The following ANKS1B variants were observed in gnomAD, a reference collection of about 807,000 sequenced individuals.
ANKS1B encodes ankyrin repeat and sterile alpha motif domain containing 1B, also known as ankyrin repeat and sterile alpha motif domain-containing protein 1B.
In ANKS1B, 36 loss-of-function variants were observed where a neutral mutation model predicts 148.3. That is an observed-to-expected ratio of 0.24 (90% confidence interval 0.19 to 0.32). ANKS1B has a LOEUF of 0.32. Ranked by LOEUF, ANKS1B falls within the 10% of genes least tolerant of loss-of-function variation. ANKS1B has a pLI of 1.00. For synonymous variants in ANKS1B, 542 were observed against 560.8 expected (o/e 0.97, Z 0.47); for missense variants, 1,157 against 1,542.6 (o/e 0.75, Z 4.19).
intron 14 of ANKS1B, among the ~76,000 whole-genome samples, chr12:99,243,780 A>C (rs945945892): frequency 1.3e-5 from 2 of 152,202 alleles, no homozygotes; most frequent in Admixed American, 1.3e-4. Context: ...ACAAGGACAG[A>C]AAACCAAACA....
chr12:99,924,013 A>G (rs1217656018), intron 1 of ANKS1B, among the ~76,000 whole-genome samples: 1 of 152,164 alleles, frequency 6.6e-6, no homozygotes, highest in Non-Finnish European at 1.5e-5. Context: ...AATATTGTAT[A>G]TTATTTAATA....
chr12:98,991,096 G>A (rs17028955), intron 17 of ANKS1B, among the ~76,000 whole-genome samples: 6,690 of 152,300 alleles, frequency 0.044, 294 homozygotes, highest in African/African-American at 0.099. Flanking sequence ...TGCCAAGGAT[G>A]CTAGCTTGGA....
chr12:98,965,587 T>C (rs571514436), intron 17 of ANKS1B, among the ~76,000 whole-genome samples: 4 of 152,006 alleles, frequency 2.6e-5, no homozygotes, highest in African/African-American at 9.6e-5. Flanking sequence ...TTTATCTTAA[T>C]AAGACAATCC....
intron 1 of ANKS1B, among the ~76,000 whole-genome samples, chr12:99,953,595 A>G (rs1343541209): frequency 8.6e-6 from 1 of 116,548 alleles, no homozygotes; most frequent in Non-Finnish European, 2.2e-5. Context: ...TGTTTAAGGA[A>G]AAAAAAAAAA....
intron 22 of ANKS1B, chr12:98,795,642 T>A (rs568185107): frequency 6.6e-6 from 3 of 452,200 alleles, no homozygotes; most frequent in East Asian, 1.4e-4. Context: ...TGTTTATTAT[T>A]TGCACATAAA....
chr12:99,172,697 G>C (rs952432646), intron 14 of ANKS1B, among the ~76,000 whole-genome samples: 1 of 152,092 alleles, frequency 6.6e-6, no homozygotes, highest in African/African-American at 2.4e-5. Context: ...GTTGCTAGAA[G>C]AGCAATGTTA....
At chr12:98,855,136 G>A (rs371037575) in intron 17 of ANKS1B, among the ~76,000 whole-genome samples, 1 of 142,834 alleles carries the variant, frequency 7.0e-6, no homozygotes, top group Non-Finnish European at 1.5e-5. Flanking sequence ...TCCGCAGTCC[G>A]ACCTGGGCGA....
intron 17 of ANKS1B, among the ~76,000 whole-genome samples, chr12:98,899,173 G>A (rs553927838): frequency 6.6e-6 from 1 of 152,310 alleles, no homozygotes; most frequent in East Asian, 1.9e-4. Context: ...AATAAGACCT[G>A]TGGATTCAAG....
intron 14 of ANKS1B, among the ~76,000 whole-genome samples, chr12:99,188,408 C>T (rs889751907): frequency 1.3e-5 from 2 of 152,216 alleles, no homozygotes. Flanking sequence ...CTCAGCACCA[C>T]ATCACACTTA....
chr12:99,301,346 A>T (rs1053201647), intron 12 of ANKS1B, among the ~76,000 whole-genome samples: 6 of 152,206 alleles, frequency 3.9e-5, no homozygotes, highest in Non-Finnish European at 5.9e-5. Context: ...TTGACATAAA[A>T]TTAACCATTA....
intron 9 of ANKS1B, among the ~76,000 whole-genome samples, chr12:99,507,703 G>A (rs1021764848): frequency 3.3e-5 from 5 of 151,692 alleles, no homozygotes; most frequent in African/African-American, 1.2e-4. Context: ...GGAAGGAGTT[G>A]GTAAAAACGA....
chr12:99,506,327 A>T (rs1045837052), intron 9 of ANKS1B, among the ~76,000 whole-genome samples: 4 of 152,066 alleles, frequency 2.6e-5, no homozygotes, highest in African/African-American at 9.7e-5. Context: ...TAGTTTTTCT[A>T]CAGTACAGCA....
Position 99,632,756 on chromosome 12 carries a change from TATA to T in ANKS1B, c.1272+22308_1272+22310del, listed in dbSNP as rs1260811825. ...ATATATATATATATATATATATATA[TATA>T]TATATATATTTTAATTATACTTTAA... On this transcript the variant is annotated intron_variant, in intron 9 of 26. Transcript: ENST00000683438. Among the ~76,000 whole-genome samples, 198 of 90,838 alleles carry T rather than the reference TATA, an allele frequency of 2.2e-3. 4 individuals are homozygous for T. Among genetic ancestry groups the T allele is most frequent in the African/African-American group, 7.3e-3 (191 of 26,260 alleles). 59.6% of individuals were successfully genotyped at this position (90,838 alleles called of 152,430 possible).
chr12:99,046,528 G>A (rs951641066), intron 17 of ANKS1B, among the ~76,000 whole-genome samples: 4 of 152,142 alleles, frequency 2.6e-5, no homozygotes, highest in Admixed American at 2.6e-4. Flanking sequence ...GGCCGGGTGC[G>A]GTGGCTCATG....
intron 9 of ANKS1B, among the ~76,000 whole-genome samples, chr12:99,576,387 T>C (rs1311747703): frequency 1.3e-5 from 2 of 151,940 alleles, no homozygotes; most frequent in East Asian, 1.9e-4. Context: ...CAAATGGACC[T>C]AACAGACATC....
intron 1 of ANKS1B, among the ~76,000 whole-genome samples, chr12:99,909,224 G>A (rs879531785): frequency 0.23 from 17,000 of 74,052 alleles, 1,214 homozygotes; most frequent in Middle Eastern, 0.3. Flanking sequence ...CATCGTGTGT[G>A]TGTGTGTGTG....
chr12:99,634,418 A>G (rs1003866806), intron 9 of ANKS1B, among the ~76,000 whole-genome samples: 1 of 152,114 alleles, frequency 6.6e-6, no homozygotes, highest in Non-Finnish European at 1.5e-5. Flanking sequence ...GGACTTCTCA[A>G]CCTCAGAACT....
intron 12 of ANKS1B, among the ~76,000 whole-genome samples, chr12:99,376,815 A>C (rs920168648): frequency 1.6e-4 from 25 of 152,178 alleles, no homozygotes; most frequent in African/African-American, 5.5e-4. Flanking sequence ...CCACGGCTTT[A>C]AAGAAGTCAC....
intron 8 of ANKS1B, among the ~76,000 whole-genome samples, chr12:99,729,392 A>G (rs757413248): frequency 6.6e-6 from 1 of 151,684 alleles, no homozygotes. Flanking sequence ...GAAGTTTGCC[A>G]TTTTTTTTCT....
Sources: allele counts gnomAD v4.1 joint callset (sites outside exome capture counted in the v4.1 genomes callset), GRCh38; gene constraint gnomAD v4.1.1; transcripts MANE v1.5; gene names NCBI Gene and HGNC (gene_info 2026-07-23, HGNC 2026-07-21).